The following TAF3 variants were observed in gnomAD, a reference collection of about 807,000 sequenced individuals.
TAF3 encodes the protein transcription initiation factor TFIID subunit 3.
In TAF3, 7 loss-of-function variants were observed where a neutral mutation model predicts 80.6. The ratio of observed to expected loss-of-function variants is 0.09; its 90% CI spans 0.05 to 0.16. The LOEUF (loss-of-function observed/expected upper bound fraction) is 0.16, where lower values mean the gene tolerates loss of function less well. Ranked by LOEUF, TAF3 falls within the 10% of genes least tolerant of loss-of-function variation. The pLI is 1.00. For synonymous variants in TAF3, 444 were observed against 446.1 expected (o/e 1.00, Z 0.06); for missense variants, 921 against 1,140.2 (o/e 0.81, Z 2.77).
chr10:8,013,864 C>A (rs1471973097), intron 6 of TAF3, 27 bp downstream of exon 6: 18 of 1,587,140 alleles, frequency 1.1e-5, no homozygotes, highest in Non-Finnish European at 1.6e-5. Flanking sequence ...CCCTGCCGGC[C>A]ACACTCATTA....
At chr10:8,014,269 G>T (rs1832083049) in intron 6 of TAF3, among the ~76,000 whole-genome samples, 1 of 152,162 alleles carries the variant, frequency 6.6e-6, no homozygotes, top group Non-Finnish European at 1.5e-5. Flanking sequence ...AAACTGAAAA[G>T]CTCAACCAGA....
intron 4 of TAF3, among the ~76,000 whole-genome samples, chr10:7,990,933 C>G (rs1196136239): frequency 6.6e-6 from 1 of 152,186 alleles, no homozygotes; most frequent in East Asian, 1.9e-4. Flanking sequence ...TCTCCGTAGT[C>G]CTAGATGTTA....
At chr10:7,827,022 T>G (rs1836748628) in intron 2 of TAF3, among the ~76,000 whole-genome samples, 1 of 152,196 alleles carries the variant, frequency 6.6e-6, no homozygotes, top group South Asian at 2.1e-4. Context: ...TAAAATATTA[T>G]TAGCAAGGTC....
intron 2 of TAF3, among the ~76,000 whole-genome samples, chr10:7,961,222 G>A (rs1474305977): frequency 3.3e-5 from 5 of 152,182 alleles, no homozygotes; most frequent in African/African-American, 7.2e-5. Context: ...CAGATCTGGC[G>A]GAGAAGATGG....
intron 2 of TAF3, among the ~76,000 whole-genome samples, chr10:7,853,936 A>G (rs536931711): frequency 1.3e-5 from 2 of 152,356 alleles, no homozygotes; most frequent in African/African-American, 4.8e-5. Context: ...GTGAGAATCA[A>G]TTGGCTGCAT....
At chr10:7,904,823 G>A (rs893596588) in intron 2 of TAF3, among the ~76,000 whole-genome samples, 1 of 152,042 alleles carries the variant, frequency 6.6e-6, no homozygotes, top group Admixed American at 6.6e-5. Flanking sequence ...CTGGTGACAC[G>A]GGGCCGACCG....
At chr10:7,871,754 A>G (rs1252235735) in intron 2 of TAF3, among the ~76,000 whole-genome samples, 2 of 152,102 alleles carry the variant, frequency 1.3e-5, no homozygotes, top group African/African-American at 2.4e-5. Context: ...AACGATTGCT[A>G]TTTTGACATG....
intron 4 of TAF3, among the ~76,000 whole-genome samples, chr10:8,005,977 G>T (rs1831987154): frequency 1.3e-5 from 2 of 152,086 alleles, no homozygotes; most frequent in South Asian, 4.1e-4. Flanking sequence ...TAATCTCTCT[G>T]TGCCTTGGTT....
intron 2 of TAF3, among the ~76,000 whole-genome samples, chr10:7,900,723 T>TG (rs1837550058): frequency 6.6e-6 from 1 of 152,188 alleles, no homozygotes; most frequent in African/African-American, 2.4e-5. Flanking sequence ...TTCCCCAGTT[T>TG]GGGGGGAGGT....
At chr10:7,928,231 G>A (rs1837834420) in intron 2 of TAF3, among the ~76,000 whole-genome samples, 1 of 152,052 alleles carries the variant, frequency 6.6e-6, no homozygotes, top group Non-Finnish European at 1.5e-5. Context: ...TATAAGTTTC[G>A]GTGGTCAGGC....
chr10:7,848,749 C>G (rs986195912), intron 2 of TAF3, among the ~76,000 whole-genome samples: 1 of 152,062 alleles, frequency 6.6e-6, no homozygotes, highest in East Asian at 1.9e-4. Context: ...AAGAAAAATG[C>G]TCTGGAAAAA....
chr10:7,976,309 C>A (rs1473275839), intron 3 of TAF3, among the ~76,000 whole-genome samples: 2 of 150,526 alleles, frequency 1.3e-5, no homozygotes, highest in Admixed American at 1.3e-4. Flanking sequence ...TGCAGTGGCA[C>A]AATCTCAGCT....
At chr10:7,909,818 C>A (rs908277955) in intron 2 of TAF3, among the ~76,000 whole-genome samples, 1 of 152,090 alleles carries the variant, frequency 6.6e-6, no homozygotes, top group African/African-American at 2.4e-5. Context: ...AACATTGAAA[C>A]CTTTATTCTT....
At chr10:7,856,594 A>C (rs931797617) in intron 2 of TAF3, among the ~76,000 whole-genome samples, 1 of 152,220 alleles carries the variant, frequency 6.6e-6, no homozygotes, top group African/African-American at 2.4e-5. Context: ...GCCTAGGAGC[A>C]GTGACCATCC....
intron 2 of TAF3, among the ~76,000 whole-genome samples, chr10:7,913,352 C>G (rs925856480): frequency 7.2e-5 from 11 of 152,092 alleles, no homozygotes; most frequent in Non-Finnish European, 1.3e-4. Context: ...GGGAAGCAGC[C>G]CAAGTCACAC....
At chr10:7,844,767 C>G (rs1257281695) in intron 2 of TAF3, among the ~76,000 whole-genome samples, 1 of 151,996 alleles carries the variant, frequency 6.6e-6, no homozygotes, top group Admixed American at 6.6e-5. Flanking sequence ...TAGTTTTGCT[C>G]TTTTTATTCA....
chr10:7,871,513 T>C (rs543231235), intron 2 of TAF3, among the ~76,000 whole-genome samples: 37 of 147,318 alleles, frequency 2.5e-4, no homozygotes, highest in Non-Finnish European at 5.2e-4. Context: ...GTGTGATCTC[T>C]GCTCATTGCA....
intron 2 of TAF3, among the ~76,000 whole-genome samples, chr10:7,911,829 C>T (rs1837659284): frequency 6.6e-6 from 1 of 152,110 alleles, no homozygotes. Context: ...CCACAGTGAC[C>T]TGGGGCCAAA....
At chr10:7,855,973 A>G (rs956054118) in intron 2 of TAF3, among the ~76,000 whole-genome samples, 1 of 152,062 alleles carries the variant, frequency 6.6e-6, no homozygotes, top group African/African-American at 2.4e-5. Flanking sequence ...GTTCTCTACT[A>G]GTATTCTAAG....
Sources: gnomAD v4.1 joint callset for allele counts (sites outside exome capture counted in the v4.1 genomes callset) on GRCh38, gnomAD v4.1.1 for gene constraint, MANE v1.5 for transcripts, NCBI Gene and HGNC (gene_info 2026-07-23, HGNC 2026-07-21) for gene names.